The following TRPM2 variants were observed in gnomAD, a reference collection of about 807,000 sequenced individuals.
TRPM2 encodes the protein transient receptor potential cation channel subfamily M member 2, also known as estrogen-responsive element-associated gene 1 protein.
In TRPM2, 161 loss-of-function variants were observed where a neutral mutation model predicts 174.0. The ratio of observed to expected loss-of-function variants is 0.93; its 90% CI spans 0.81 to 1.05. The LOEUF is 1.05. Ranked by LOEUF, TRPM2 falls within the 50% of genes least tolerant of loss-of-function variation. The pLI, the probability that TRPM2 is intolerant of heterozygous loss-of-function variation, is 0.00. For missense variants in TRPM2, 2,057 were observed against 2,038.0 expected, an observed-to-expected ratio of 1.01 and a Z score of -0.18; for synonymous variants, 954 against 861.3, an observed-to-expected ratio of 1.11 and a Z score of -1.88.
rs760297627 is a variant in TRPM2 at position 44,406,714 on chromosome 21, G to A, written c.2911G>A (p.Val971Ile). 50 of 1,608,238 alleles carry A rather than the reference G, an allele frequency of 3.1e-5. No homozygotes were observed. The highest frequency in any genetic ancestry group is 3.4e-5 in the Admixed American group (2 of 59,306). Residue 971 changes from valine (V) to isoleucine (I), a missense_variant, in exon 19 of 32, where the codon GTC becomes ATC. Coordinates refer to ENST00000397928, the MANE Select transcript of TRPM2 (RefSeq NM_003307.4). ...RRVDWLFRGA[V>I]YHSYLTIFGQ... ...GGTGGACTGGCTGTTCCGAGGGGCC[G>A]TCTACCACTCCTACCTCACCATCTT...
intron 24 of TRPM2, 39 bp from the exon 25 acceptor site, chr21:44,425,631 G>A (rs1006829001): frequency 1.3e-4 from 193 of 1,448,244 alleles, no homozygotes; most frequent in Non-Finnish European, 1.7e-4. Context: ...ACCTGAGCCC[G>A]GGCTCCGCCT....
chr21:44,350,555 G>A (rs2047913027), upstream of TRPM2, among the ~76,000 whole-genome samples: 1 of 143,812 alleles, frequency 7.0e-6, no homozygotes. Flanking sequence ...GGGGTTCGGG[G>A]CGCTGGTGCA....
intron 19 of TRPM2, among the ~76,000 whole-genome samples, chr21:44,413,263 A>G (rs982148800): frequency 7.3e-6 from 1 of 137,040 alleles, no homozygotes; most frequent in Non-Finnish European, 1.5e-5. Context: ...TTTGAGACAG[A>G]CATTTGCTCT....
chr21:44,419,815 G>GCGGTGA (rs1259971590), intron 22 of TRPM2, among the ~76,000 whole-genome samples: 3 of 151,040 alleles, frequency 2.0e-5, no homozygotes, highest in African/African-American at 4.9e-5. Flanking sequence ...GATGTTGGCA[G>GCGGTGA]TGGTGGTGGT....
chr21:44,437,428 T>C (rs2051319441), intron 29 of TRPM2, among the ~76,000 whole-genome samples: 1 of 152,184 alleles, frequency 6.6e-6, no homozygotes, highest in Non-Finnish European at 1.5e-5. Context: ...GTCCCAGGCA[T>C]GGGCTGGGCT....
Position 44,439,245 on chromosome 21 carries a change from C to CACACAGGTGGAA in TRPM2, c.4269+77_4269+78insACACAGGTGGAA. The CACACAGGTGGAA allele has an allele frequency of 7.4e-7, 1 of 1,355,756 alleles. No homozygotes were observed. The highest frequency in any genetic ancestry group is 1.0e-6 in the Non-Finnish European group (1 of 958,364). The allele number at this position is 1,355,756 out of a possible 1,614,324, so 84.0% of individuals were successfully genotyped here. On this transcript the variant is annotated intron_variant, in intron 30 of 31. Transcript: ENST00000397928. The surrounding 1 kb of genome is among the most constrained non-coding windows in gnomAD (Gnocchi z 5.1). ...GACAAACACAGTGTGATACTGGGGA[C>CACACAGGTGGAA]CTGCCCCAGCACCACTGGGTGGCAG...
Position 44,371,882 on chromosome 21 carries a change from C to T in TRPM2, c.771+2539C>T, listed in dbSNP as rs571313854. Among the ~76,000 whole-genome samples, 19 of 152,316 alleles carry T rather than the reference C, an allele frequency of 1.2e-4. 1 individual carries two copies. The South Asian group carries it at 3.7e-3, about 30-fold the overall frequency. ...GTGTGGGGGCTCACACCTGTCATCC[C>T]AGCACATTGGGAGGCTGAGATGGGC... On this transcript the variant is annotated intron_variant, in intron 5 of 31. Coordinates refer to ENST00000397928, the MANE Select transcript of TRPM2 (RefSeq NM_003307.4).
At chr21:44,413,089 T>C (rs2050156922) in intron 19 of TRPM2, among the ~76,000 whole-genome samples, 1 of 152,152 alleles carries the variant, frequency 6.6e-6, no homozygotes, top group African/African-American at 2.4e-5. Context: ...CCTTACTTTC[T>C]ATGCACGCAG....
Position 44,354,445 on chromosome 21 carries a change from T to G in TRPM2, c.166-203T>G, listed in dbSNP as rs572256266. On this transcript the variant is annotated intron_variant, in intron 1 of 31. Transcript: ENST00000397928. The surrounding 1 kb of genome is among the most constrained non-coding windows in gnomAD (Gnocchi z 4.3). ...TCAAAATGGTCCCAAGAGGAAATGA[T>G]TTCTTAGATTCATTCCTCCCTCCTG... is the stretch of plus-strand genomic sequence containing the variant. Among the ~76,000 whole-genome samples the G allele has an allele frequency of 6.6e-6, 1 of 152,302 alleles. No individual in the cohort carries two copies. The highest frequency in any genetic ancestry group is 2.1e-4 in the South Asian group (1 of 4,826).
Position 44,354,700 on chromosome 21 carries a change from T to G in TRPM2, c.218T>G (p.Val73Gly). 1 of 1,614,134 alleles carries G rather than the reference T, an allele frequency of 6.2e-7. No individual in the cohort carries two copies. Among genetic ancestry groups the G allele is most frequent in the Non-Finnish European group, 8.5e-7 (1 of 1,180,008 alleles). ...IPENIKKKEC[V>G]YFVESSKLSD... ...GAAAACATCAAGAAGAAAGAATGCG[T>G]GTATTTTGTGGAAAGTTCCAAACTG... is the stretch of plus-strand genomic sequence containing the variant. Residue 73 changes from valine (V) to glycine (G), a missense_variant, in exon 2 of 32, where the codon GTG becomes GGG. Transcript: ENST00000397928. The surrounding 1 kb of genome is among the most constrained non-coding windows in gnomAD (Gnocchi z 4.3).
chr21:44,406,830 G>T, intron 19 of TRPM2, 65 bp downstream of exon 19: 3 of 1,539,640 alleles, frequency 1.9e-6, no homozygotes, highest in South Asian at 1.2e-5. Context: ...GGCTGGAAAG[G>T]GGCCGCATGA....
chr21:44,387,073 C>T (rs1219945447), intron 9 of TRPM2, among the ~76,000 whole-genome samples: 1 of 152,050 alleles, frequency 6.6e-6, no homozygotes. Context: ...GTAGTCCCAG[C>T]TGTGTGGGAG....
intron 8 of TRPM2, among the ~76,000 whole-genome samples, chr21:44,379,423 C>T (rs569119208): frequency 2.0e-4 from 30 of 152,158 alleles, no homozygotes; most frequent in Middle Eastern, 3.2e-3. Flanking sequence ...GAACCTCACC[C>T]GCAGCACACC....
chr21:44,391,573 G>A lies in TRPM2; in HGVS notation c.1742G>A (p.Arg581Gln), dbSNP rs768969938. The change falls in exon 11 of 32, where the codon CGG becomes CAG. Residue 581 changes from arginine (R) to glutamine (Q), a missense_variant. By Grantham distance (43) the Arg-to-Gln change is conservative (BLOSUM62 1). Transcript: ENST00000397928. This position sits in a 1 kb window ranked among gnomAD's most constrained non-coding sequence, Gnocchi z 5.0. ...ACGCAGCCGCTTTATCCCCGGCCCC[G>A]GCACAACGACCGGCTGCGGCTCCTG... ...DFTQPLYPRP[R>Q]HNDRLRLLLP... 6.3e-6 allele frequency: 10 copies of A among 1,592,550 alleles called. No individual in the cohort carries two copies. The highest frequency in any genetic ancestry group is 5.4e-5 in the African/African-American group (4 of 74,694).
chr21:44,368,834 G>A (rs540813102), intron 4 of TRPM2, among the ~76,000 whole-genome samples: 162 of 152,272 alleles, frequency 1.1e-3, no homozygotes, highest in Non-Finnish European at 2.0e-3. Context: ...TGTTGGGAGC[G>A]AGGAAGCACT....
intron 2 of TRPM2, among the ~76,000 whole-genome samples, chr21:44,362,289 G>A (rs2048231749): frequency 6.7e-6 from 1 of 149,224 alleles, no homozygotes; most frequent in Admixed American, 6.7e-5. Context: ...CGGATCACGA[G>A]GTCAGGAGAT....
intron 20 of TRPM2, among the ~76,000 whole-genome samples, chr21:44,414,342 GC>G (rs2050207508): frequency 6.6e-6 from 1 of 152,234 alleles, no homozygotes; most frequent in Non-Finnish European, 1.5e-5. Context: ...ATCCACAAGG[GC>G]CCTGCTCACG....
chr21:44,395,525 G>A lies in TRPM2; in HGVS notation c.1906G>A (p.Glu636Lys), dbSNP rs959571241. The A allele has an allele frequency of 6.2e-7, 1 of 1,613,076 alleles. No homozygotes were observed. Among genetic ancestry groups the A allele is most frequent in the South Asian group, 1.1e-5 (1 of 91,084 alleles). ...LIWAIVQNRRELAGIIWAQSQ... is the reference protein window; with the variant it reads ...LIWAIVQNRRKLAGIIWAQSQ... ...TTGGGCCATTGTCCAGAACCGTCGG[G>A]AGCTGGCAGGAATCATCTGGGCTCA... Residue 636 changes from glutamate to lysine, a missense_variant, in exon 12 of 32, where the codon GAG becomes AAG. Transcript: ENST00000397928.
intron 16 of TRPM2, 44 bp from the exon 17 acceptor site, chr21:44,405,096 AAG>A (rs2049820632): frequency 1.2e-6 from 2 of 1,607,990 alleles, no homozygotes; most frequent in South Asian, 1.1e-5. Flanking sequence ...TGAGGATAGT[AAG>A]AGTGACAACC....
Sources: gnomAD v4.1 joint callset for allele counts (sites outside exome capture counted in the v4.1 genomes callset) on GRCh38, gnomAD v4.1.1 for gene constraint, Gnocchi (gnomAD v3.1) non-coding constraint, MANE v1.5 for transcripts, NCBI Gene and HGNC (gene_info 2026-07-23, HGNC 2026-07-21) for gene names.